Variants in UNC5D observed in about 807,000 individuals in gnomAD.
UNC5D encodes the protein netrin receptor UNC5D.
Under a neutral mutation model 105.4 loss-of-function variants are expected in UNC5D, and 39 were observed. The observed-to-expected ratio is 0.37, with a 90% CI of 0.29 to 0.48. The LOEUF (loss-of-function observed/expected upper bound fraction) is 0.48, where lower values mean the gene tolerates loss of function less well. UNC5D is among the 20% of genes least tolerant of loss of function. The pLI is 0.98. For synonymous variants in UNC5D, 452 were observed against 450.4 expected, an observed-to-expected ratio of 1.00 and a Z score of -0.04; for missense variants, 991 against 1,202.4, an observed-to-expected ratio of 0.82 and a Z score of 2.60.
intron 1 of UNC5D, among the ~76,000 whole-genome samples, chr8:35,405,303 A>T (rs192587993): frequency 6.6e-6 from 1 of 152,138 alleles, no homozygotes; most frequent in African/African-American, 2.4e-5. Flanking sequence ...GTGTAATAAG[A>T]TCATATTGGT....
chr8:35,272,390 G>T (rs936207912), intron 1 of UNC5D, among the ~76,000 whole-genome samples: 7 of 152,120 alleles, frequency 4.6e-5, no homozygotes, highest in African/African-American at 7.2e-5. Flanking sequence ...CAGCTCTGAG[G>T]GGAAGAGAAG....
intron 3 of UNC5D, among the ~76,000 whole-genome samples, chr8:35,591,978 G>GT (rs1179600951): frequency 6.6e-6 from 1 of 152,124 alleles, no homozygotes; most frequent in African/African-American, 2.4e-5. Context: ...TGTTCCTGCG[G>GT]TTTCCCCTTT....
chr8:35,674,531 CA>C (rs1825065949), intron 4 of UNC5D, among the ~76,000 whole-genome samples: 1 of 152,126 alleles, frequency 6.6e-6, no homozygotes, highest in Non-Finnish European at 1.5e-5. Flanking sequence ...AATTAACTAA[CA>C]CATGTATAGT....
intron 1 of UNC5D, among the ~76,000 whole-genome samples, chr8:35,384,498 T>C (rs989654060): frequency 1.6e-4 from 24 of 152,292 alleles, no homozygotes; most frequent in African/African-American, 4.3e-4. Flanking sequence ...GAGCCAACCT[T>C]GTAAAAGAGC....
chr8:35,446,156 C>G (rs767184582), intron 1 of UNC5D, among the ~76,000 whole-genome samples: 12 of 151,822 alleles, frequency 7.9e-5, no homozygotes, highest in South Asian at 2.1e-4. Flanking sequence ...CTCCTCACCC[C>G]CTTCCCACAC....
intron 1 of UNC5D, among the ~76,000 whole-genome samples, chr8:35,388,330 A>G (rs1278423620): frequency 1.3e-5 from 2 of 151,842 alleles, no homozygotes; most frequent in Admixed American, 6.6e-5. Flanking sequence ...CACTGTTGCA[A>G]CTCCAGCCTG....
intron 4 of UNC5D, among the ~76,000 whole-genome samples, chr8:35,652,745 T>C (rs1207683289): frequency 6.6e-6 from 1 of 151,866 alleles, no homozygotes; most frequent in Non-Finnish European, 1.5e-5. Flanking sequence ...GTTATCATCT[T>C]GAAGAAATCT....
At chr8:35,662,942 C>T (rs972953612) in intron 4 of UNC5D, among the ~76,000 whole-genome samples, 2 of 152,278 alleles carry the variant, frequency 1.3e-5, no homozygotes, top group African/African-American at 2.4e-5. Context: ...TTGTGAACTG[C>T]GTATGCGAGG....
At chr8:35,418,667 T>C (rs1212712594) in intron 1 of UNC5D, among the ~76,000 whole-genome samples, 1 of 152,164 alleles carries the variant, frequency 6.6e-6, no homozygotes, top group African/African-American at 2.4e-5. Context: ...GAGAACCTCA[T>C]TAAGGAAAGT....
chr8:35,576,599 G>GTTGT (rs59553994), intron 3 of UNC5D, among the ~76,000 whole-genome samples: 2,486 of 151,984 alleles, frequency 0.016, 48 homozygotes, highest in African/African-American at 0.043. Context: ...GACTAACAGA[G>GTTGT]TTGTTTGTTT....
intron 4 of UNC5D, among the ~76,000 whole-genome samples, chr8:35,671,452 T>C (rs1039880917): frequency 6.6e-6 from 1 of 152,220 alleles, no homozygotes; most frequent in Admixed American, 6.5e-5. Context: ...TACCTTTGTA[T>C]TGTAATAAAA....
intron 1 of UNC5D, among the ~76,000 whole-genome samples, chr8:35,361,965 C>T (rs993604954): frequency 2.6e-5 from 4 of 152,004 alleles, no homozygotes; most frequent in Non-Finnish European, 5.9e-5. Flanking sequence ...GTGGCATCTT[C>T]CAATTAAAAT....
At chr8:35,771,120 G>A (rs1270760418) in intron 15 of UNC5D, among the ~76,000 whole-genome samples, 1 of 152,162 alleles carries the variant, frequency 6.6e-6, no homozygotes, top group African/African-American at 2.4e-5. Flanking sequence ...ACTTATTAAT[G>A]TGTAGTAAAT....
chr8:35,738,601 T>A (rs972607503), intron 11 of UNC5D, among the ~76,000 whole-genome samples: 1 of 152,226 alleles, frequency 6.6e-6, no homozygotes, highest in East Asian at 1.9e-4. Context: ...AAGATACAGA[T>A]AACTCCCTGC....
At chr8:35,637,451 C>A (rs966732286) in intron 4 of UNC5D, among the ~76,000 whole-genome samples, 1 of 152,112 alleles carries the variant, frequency 6.6e-6, no homozygotes, top group Middle Eastern at 3.2e-3. Context: ...GCCCTTTTAT[C>A]TTTATAATAC....
intron 8 of UNC5D, among the ~76,000 whole-genome samples, chr8:35,711,635 CT>C (rs1046235650): frequency 6.6e-6 from 1 of 152,184 alleles, no homozygotes; most frequent in Non-Finnish European, 1.5e-5. Context: ...GACTAAGTCT[CT>C]TTCCCTCATC....
At chr8:35,688,127 G>T (rs923098774) in intron 7 of UNC5D, among the ~76,000 whole-genome samples, 3 of 148,984 alleles carry the variant, frequency 2.0e-5, no homozygotes, top group Non-Finnish European at 4.4e-5. Context: ...GCGAGACTCC[G>T]CCTCAAAAAC....
chr8:35,477,641 A>G (rs1810202219), intron 1 of UNC5D, among the ~76,000 whole-genome samples: 2 of 152,182 alleles, frequency 1.3e-5, no homozygotes, highest in South Asian at 4.1e-4. Context: ...GAAAGGAAAA[A>G]AAAATGTTTA....
At chr8:35,525,832 T>TA in intron 1 of UNC5D, 1 of 1,386,640 alleles carries the variant, frequency 7.2e-7, no homozygotes. Flanking sequence ...AGCAATGTGT[T>TA]ACTTCAAAGG....
Sources: gnomAD v4.1 joint callset for allele counts (sites outside exome capture counted in the v4.1 genomes callset) on GRCh38, gnomAD v4.1.1 for gene constraint, MANE v1.5 for transcripts, NCBI Gene and HGNC (gene_info 2026-07-23, HGNC 2026-07-21) for gene names.